Variants in ZBTB11 observed in about 807,000 individuals in gnomAD.
ZBTB11 encodes the protein zinc finger and BTB domain containing 11.
A neutral mutation model predicts 113.1 loss-of-function variants in ZBTB11; 68 were observed. That is an observed-to-expected ratio of 0.60 (90% CI 0.49 to 0.74). The LOEUF (loss-of-function observed/expected upper bound fraction) is 0.74, where lower values mean the gene tolerates loss of function less well. Among genes scored for constraint, ZBTB11 ranks in the 30% least tolerant of loss-of-function variants. ZBTB11 has a pLI of 0.00. For missense variants in ZBTB11, 1,104 were observed against 1,279.4 expected (o/e 0.86, Z 2.09); for synonymous variants, 518 against 452.6 (o/e 1.14, Z -1.83).
chr3:101,658,882 A>C (rs1576645982), intron 6 of ZBTB11, among the ~76,000 whole-genome samples: 1 of 152,210 alleles, frequency 6.6e-6, no homozygotes, highest in South Asian at 2.1e-4. Flanking sequence ...CCTGTTCCCC[A>C]AAAACTATTA....
intron 3 of ZBTB11, among the ~76,000 whole-genome samples, chr3:101,666,225 T>A (rs1470279319): frequency 6.6e-6 from 1 of 152,168 alleles, no homozygotes; most frequent in Non-Finnish European, 1.5e-5. Context: ...TACTTCCAAG[T>A]AATAGTGGTA....
chr3:101,673,977 C>A (rs968106266), intron 1 of ZBTB11, among the ~76,000 whole-genome samples: 3 of 150,792 alleles, frequency 2.0e-5, no homozygotes, highest in Non-Finnish European at 4.4e-5. Flanking sequence ...CTGACTTCTA[C>A]GGTGAAGAAA....
At position 101,652,602 on chromosome 3, in the gene ZBTB11, A is replaced by C; in HGVS notation, c.2538T>G (p.His846Gln). The C allele has an allele frequency of 6.2e-7, 1 of 1,614,128 alleles. No individual in the cohort carries two copies. Among genetic ancestry groups the C allele is most frequent in the Non-Finnish European group, 8.5e-7 (1 of 1,180,020 alleles). The change falls in exon 10 of 11, where the codon CAT becomes CAG. Residue 846 changes from histidine to glutamine, a missense_variant. By Grantham distance (24) the His-to-Gln change is conservative. Transcript: ENST00000312938. ...TTTGCTTTGCTCTTCCTTTCTTCCC[A>C]TGGGTAGCTTTCTTTACATGCCTTC... ...LFRRHVKKATHGKKGRAKQNL... is the reference protein window; with the variant it reads ...LFRRHVKKATQGKKGRAKQNL...
chr3:101,659,954 G>A lies in ZBTB11; in HGVS notation c.1875C>T (p.Pro625=), dbSNP rs139555267. The A allele has an allele frequency of 2.4e-4, 390 of 1,614,188 alleles. 1 individual carries two copies. The African/African-American group carries it at 4.5e-3, about 19-fold the overall frequency. Reference sequence around the variant, plus strand: ...ACGTGGAATTGGACGAGGATGAAGAGGGTGCATCTTTTCTGGTATGACGAA... The same window carrying A: ...ACGTGGAATTGGACGAGGATGAAGAAGGTGCATCTTTTCTGGTATGACGAA... ...HLIRHTRKDA[P]SSSSSNSTSN... Residue 625 remains proline (P), a synonymous_variant, in exon 6 of 11, where the codon CCC becomes CCT. Coordinates refer to ENST00000312938, the MANE Select transcript of ZBTB11 (RefSeq NM_014415.4).
chr3:101,651,348 C>T lies in ZBTB11; in HGVS notation c.2980G>A (p.Glu994Lys), dbSNP rs955733469. The change falls in exon 11 of 11, where the codon GAA (glutamate) becomes AAA (lysine). Residue 994 changes from glutamate (E) to lysine (K), a missense_variant. Glu to Lys is a moderately conservative substitution (Grantham distance 56). Coordinates refer to ENST00000312938, the MANE Select transcript of ZBTB11 (RefSeq NM_014415.4). ...ETVVVTGETMEALEAVAATEE... is the reference protein window; with the variant it reads ...ETVVVTGETMKALEAVAATEE... The stretch of plus-strand genomic sequence containing the variant: ...GTAGCTGCAACAGCTTCCAGAGCTT[C>T]CATAGTTTCTCCTGTCACTACCACA... 2.5e-6 allele frequency: 4 copies of T among 1,613,916 alleles called. No homozygotes were observed. The highest frequency in any genetic ancestry group is 2.7e-5 in the African/African-American group (2 of 74,916).
chr3:101,664,068 C>A (rs1207373532), intron 5 of ZBTB11, among the ~76,000 whole-genome samples: 2 of 152,088 alleles, frequency 1.3e-5, no homozygotes, highest in African/African-American at 2.4e-5. Context: ...GGATCTTTGG[C>A]TAAAGGGACA....
chr3:101,667,344 G>A (rs1310229981), intron 3 of ZBTB11, among the ~76,000 whole-genome samples: 1 of 152,114 alleles, frequency 6.6e-6, no homozygotes, highest in Admixed American at 6.5e-5. Context: ...CTAGACGGAG[G>A]CAAATATTCT....
intron 7 of ZBTB11, 95 bp downstream of exon 7, chr3:101,656,009 G>A (rs528783096): frequency 1.3e-5 from 13 of 1,039,256 alleles, no homozygotes; most frequent in African/African-American, 3.4e-5. Context: ...GAGCACACAC[G>A]ACTATCAGTT....
At chr3:101,662,481 G>A (rs915650541) in intron 5 of ZBTB11, among the ~76,000 whole-genome samples, 7 of 152,102 alleles carry the variant, frequency 4.6e-5, no homozygotes, top group Non-Finnish European at 7.4e-5. Flanking sequence ...AAAATTAGCC[G>A]GGTATGGTGG....
At chr3:101,653,078 A>C in intron 8 of ZBTB11, 140 bp from the exon 9 acceptor site, 11 of 920,044 alleles carry the variant, frequency 1.2e-5, no homozygotes, top group Non-Finnish European at 1.6e-5. Flanking sequence ...TTCTAATCTT[A>C]CATAAAGGCT....
rs1199883680 is a variant in ZBTB11 at position 101,671,376 on chromosome 3, T to A, written c.547-15A>T. On this transcript the variant is annotated splice_polypyrimidine_tract_variant and intron_variant, in intron 2 of 10. Coordinates refer to ENST00000312938, the MANE Select transcript of ZBTB11 (RefSeq NM_014415.4). ...TTGGTGTCAACCTGTCAAAATAAGT[T>A]TGAGAGCAAGAGTAACATATTACCT... 4.4e-6 allele frequency: 7 copies of A among 1,604,882 alleles called. No individual in the cohort carries two copies. Among genetic ancestry groups the A allele is most frequent in the African/African-American group, 4.0e-5 (3 of 74,718 alleles).
chr3:101,669,650 G>A (rs1343886048), intron 3 of ZBTB11, among the ~76,000 whole-genome samples: 4 of 151,510 alleles, frequency 2.6e-5, no homozygotes, highest in East Asian at 3.9e-4. Context: ...AGTGTAAGAC[G>A]TATTTTCTCC....
In ZBTB11 at chr3:101,651,213, T is replaced by C. The variant is rs1936696296; in HGVS notation, c.3115A>G (p.Ile1039Val). The C allele has an allele frequency of 2.5e-6, 4 of 1,609,970 alleles. No homozygotes were observed. Among genetic ancestry groups the C allele is most frequent in the Non-Finnish European group, 3.4e-6 (4 of 1,178,714 alleles). The change falls in exon 11 of 11, where the codon ATT (isoleucine) becomes GTT (valine). Residue 1039 changes from isoleucine to valine, a missense_variant. By Grantham distance (29) the Ile-to-Val change is conservative. Coordinates refer to ENST00000312938, the MANE Select transcript of ZBTB11 (RefSeq NM_014415.4). ...GQKLSEVAEA[I>V]QTVKVEVAHI... ...GCTACCTCTACTTTAACAGTTTGAA[T>C]AGCTTCTGCAACTTCAGATAGCTTC...
In ZBTB11 at chr3:101,676,732, C is replaced by G; in HGVS notation, c.183G>C (p.Glu61Asp). ...GCTCCGGCTGCAGCACCACCTCCAG[C>G]TCCGCGAAGGTCTTGCGGTGCCGCT... ...RRQRHRKTFA[E>D]LEVVLQPERR... The change falls in exon 1 of 11, where the codon GAG (glutamate) becomes GAC (aspartate). Residue 61 changes from glutamate (E) to aspartate (D), a missense_variant. Physicochemically the swap from Glu to Asp is conservative, Grantham distance 45. Around this residue, in one of 5 missense-constraint regions of ZBTB11, gnomAD observed 245 missense variants for 272.5 expected, o/e 0.90. Transcript: ENST00000312938. 1.9e-6 allele frequency: 3 copies of G among 1,603,590 alleles called. No individual in the cohort carries two copies. The highest frequency in any genetic ancestry group is 1.7e-6 in the Non-Finnish European group (2 of 1,175,328).
Position 101,671,177 on chromosome 3 carries a change from A to G in ZBTB11, c.731T>C (p.Ile244Thr). Residue 244 changes from isoleucine (I) to threonine (T), a missense_variant, in exon 3 of 11, where the codon ATT becomes ACT. Physicochemically the swap from Ile to Thr is moderately conservative, Grantham distance 89. Around this residue, in one of 5 missense-constraint regions of ZBTB11, gnomAD observed 86 missense variants for 131.0 expected, o/e 0.66. Coordinates refer to ENST00000312938, the MANE Select transcript of ZBTB11 (RefSeq NM_014415.4). ...ATGACTGGAAACAGCTCCTTTCTCA[A>G]TAAAAAGATCTCGAAAATACTCGCT... ...ANSEYFRDLF[I>T]EKGAVSSHEA... The G allele has an allele frequency of 1.9e-6, 3 of 1,614,184 alleles. No individual in the cohort carries two copies. The highest frequency in any genetic ancestry group is 2.5e-6 in the Non-Finnish European group (3 of 1,180,030).
intron 8 of ZBTB11, among the ~76,000 whole-genome samples, chr3:101,653,401 GA>G (rs1478920114): frequency 1.3e-5 from 2 of 152,134 alleles, no homozygotes; most frequent in Non-Finnish European, 2.9e-5. Context: ...GGCTTTGATG[GA>G]ACTACCAGAA....
chr3:101,653,215 T>C (rs1205769856), intron 8 of ZBTB11, among the ~76,000 whole-genome samples: 1 of 152,224 alleles, frequency 6.6e-6, no homozygotes, highest in Non-Finnish European at 1.5e-5. Flanking sequence ...CACTTTGAGA[T>C]CCCTATTTCA....
intron 7 of ZBTB11, among the ~76,000 whole-genome samples, chr3:101,655,522 C>T (rs1371537048): frequency 2.0e-5 from 3 of 152,164 alleles, no homozygotes; most frequent in Non-Finnish European, 4.4e-5. Flanking sequence ...TACCATTTAA[C>T]TTTTTAAAAG....
rs1350889647 is a variant in ZBTB11, at chr3:101,665,604, G to C, written c.983C>G (p.Ala328Gly). 2 of 1,614,232 alleles carry C rather than the reference G, an allele frequency of 1.2e-6. No individual in the cohort carries two copies. Among genetic ancestry groups the C allele is most frequent in the African/African-American group, 1.3e-5 (1 of 75,074 alleles). Residue 328 changes from alanine to glycine, a missense_variant, in exon 4 of 11, where the codon GCA (alanine) becomes GGA (glycine). By Grantham distance (60) the Ala-to-Gly change is moderately conservative. Coordinates refer to ENST00000312938, the MANE Select transcript of ZBTB11 (RefSeq NM_014415.4). ...CTGTACTCGTAAGTCCTGGGTGGATGCAACTGTTTGTACTTCGCCCTTCTT... is the reference window on the plus strand; with the variant it reads ...CTGTACTCGTAAGTCCTGGGTGGATCCAACTGTTTGTACTTCGCCCTTCTT... Reference protein sequence around the residue: ...VYKKGEVQTVASTQDLRVQNG... With the variant: ...VYKKGEVQTVGSTQDLRVQNG...
Sources: gnomAD v4.1 joint callset for allele counts (sites outside exome capture counted in the v4.1 genomes callset) on GRCh38, gnomAD v4.1.1 for gene constraint, gnomAD v4.1.1 regional missense constraint, MANE v1.5 for transcripts, NCBI Gene and HGNC (gene_info 2026-07-23, HGNC 2026-07-21) for gene names.